Variants in MKLN1 observed in about 807,000 individuals in gnomAD.
MKLN1 encodes the protein muskelin.
In MKLN1, 18 loss-of-function variants were observed where a neutral mutation model predicts 99.0. The observed-to-expected ratio is 0.18, with a 90% CI of 0.13 to 0.27. The LOEUF is 0.27. Among genes scored for constraint, MKLN1 ranks in the 10% least tolerant of loss-of-function variants. MKLN1 has a pLI of 1.00. For synonymous variants in MKLN1, 288 were observed against 293.2 expected, an observed-to-expected ratio of 0.98 and a Z score of 0.18; for missense variants, 621 against 875.9, an observed-to-expected ratio of 0.71 and a Z score of 3.67.
At chr7:131,480,159 G>A (rs868580898) in intron 17 of MKLN1, among the ~76,000 whole-genome samples, 6 of 151,156 alleles carry the variant, frequency 4.0e-5, no homozygotes, top group Middle Eastern at 3.4e-3. Flanking sequence ...CAAGATAATC[G>A]TCTTGAAGTA....
chr7:131,234,862 TC>T (rs1277144432), intron 3 of MKLN1, among the ~76,000 whole-genome samples: 4 of 152,214 alleles, frequency 2.6e-5, no homozygotes, highest in Non-Finnish European at 5.9e-5. Context: ...CTTGTCTTTA[TC>T]TGTCTAAATA....
At chr7:131,407,862 TTAACTCC>T (rs1794754774) in intron 6 of MKLN1, among the ~76,000 whole-genome samples, 1 of 152,096 alleles carries the variant, frequency 6.6e-6, no homozygotes. Flanking sequence ...CTTCCTCCTC[TTAACTCC>T]TATTTGCCTT....
intron 3 of MKLN1, among the ~76,000 whole-genome samples, chr7:131,274,182 G>T (rs1248797597): frequency 6.6e-6 from 1 of 152,134 alleles, no homozygotes; most frequent in Admixed American, 6.5e-5. Flanking sequence ...GGGGACGGGG[G>T]AGGTCGTTTG....
At chr7:131,328,236 C>T (rs1291008965) in intron 1 of MKLN1, 14 of 514,994 alleles carry the variant, frequency 2.7e-5, no homozygotes, top group Admixed American at 6.6e-5. Context: ...GGATCCGGGG[C>T]GCGCACAGGA....
chr7:131,357,013 T>TAGAG (rs1799905166), intron 1 of MKLN1, among the ~76,000 whole-genome samples: 1 of 152,176 alleles, frequency 6.6e-6, no homozygotes, highest in Non-Finnish European at 1.5e-5. Context: ...ACCAAGTGAG[T>TAGAG]GACTTGAGAA....
intron 2 of MKLN1, among the ~76,000 whole-genome samples, chr7:131,150,461 T>C (rs1795872699): frequency 6.6e-6 from 1 of 152,014 alleles, no homozygotes; most frequent in South Asian, 2.1e-4. Flanking sequence ...CACTCCAGCT[T>C]GGGTGACAGA....
rs191300170 is a variant in MKLN1, at chr7:131,168,955, C to T, written c.-297+26014C>T. Among the ~76,000 whole-genome samples, 19 of 151,946 alleles carry T rather than the reference C, an allele frequency of 1.3e-4. No homozygotes were observed. The East Asian group carries it at 3.5e-3, about 28-fold the overall frequency. ...CAATCTTGGCTCACCGCAACCTCCACCTCCTGGGTTCAAGCAATTCGTGTG... is the reference window on the plus strand; with the variant it reads ...CAATCTTGGCTCACCGCAACCTCCATCTCCTGGGTTCAAGCAATTCGTGTG... On this transcript the variant is annotated intron_variant, in intron 2 of 7. Coordinates refer to the MKLN1 transcript ENST00000416992.
intron 3 of MKLN1, among the ~76,000 whole-genome samples, chr7:131,205,177 T>C (rs1424011265): frequency 6.6e-6 from 1 of 152,092 alleles, no homozygotes; most frequent in Non-Finnish European, 1.5e-5. Flanking sequence ...TAGACCTTTA[T>C]GATGAGGCTT....
intron 1 of MKLN1, among the ~76,000 whole-genome samples, chr7:131,367,581 TCTAGTG>T (rs1800217444): frequency 6.6e-6 from 1 of 152,140 alleles, no homozygotes; most frequent in East Asian, 1.9e-4. Flanking sequence ...TCTTATTCCC[TCTAGTG>T]CATGGTCTCT....
intron 2 of MKLN1, among the ~76,000 whole-genome samples, chr7:131,179,767 G>C (rs1327759240): frequency 6.6e-6 from 1 of 151,966 alleles, no homozygotes; most frequent in African/African-American, 2.4e-5. Flanking sequence ...GTAGAGAAGG[G>C]GTTTCACCGT....
chr7:131,464,470 T>C (rs947772477), intron 14 of MKLN1, 62 bp downstream of exon 14: 4 of 914,998 alleles, frequency 4.4e-6, no homozygotes, highest in Non-Finnish European at 6.9e-6. Flanking sequence ...AATCCCCAAA[T>C]ATATCTTTGA....
chr7:131,242,853 G>T (rs1797426232), intron 3 of MKLN1: 3 of 663,308 alleles, frequency 4.5e-6, no homozygotes, highest in Non-Finnish European at 5.7e-6. Flanking sequence ...GTACTCTGTG[G>T]ATATCCCCTT....
intron 2 of MKLN1, among the ~76,000 whole-genome samples, chr7:131,168,690 T>C (rs1796171665): frequency 7.9e-6 from 1 of 126,394 alleles, no homozygotes; most frequent in Non-Finnish European, 1.7e-5. Flanking sequence ...GTTAAGCCTT[T>C]ATGTATATTT....
intron 1 of MKLN1, among the ~76,000 whole-genome samples, chr7:131,364,399 A>C (rs539032274): frequency 6.6e-6 from 1 of 152,134 alleles, no homozygotes; most frequent in Non-Finnish European, 1.5e-5. Flanking sequence ...CCAAGTTTTT[A>C]CCAAACTGAT....
chr7:131,259,184 C>T (rs1027851868), intron 3 of MKLN1, among the ~76,000 whole-genome samples: 34 of 152,134 alleles, frequency 2.2e-4, no homozygotes, highest in African/African-American at 8.0e-4. Flanking sequence ...CTGTGAACCC[C>T]TCTTCTTACC....
chr7:131,332,588 T>G (rs1240282932), intron 1 of MKLN1, among the ~76,000 whole-genome samples: 1 of 151,644 alleles, frequency 6.6e-6, no homozygotes, highest in East Asian at 1.9e-4. Context: ...TATCACTACC[T>G]AAAGATTACT....
intron 3 of MKLN1, among the ~76,000 whole-genome samples, chr7:131,211,010 A>G (rs1213148780): frequency 6.6e-6 from 1 of 151,768 alleles, no homozygotes; most frequent in African/African-American, 2.4e-5. Context: ...GTCCTGGACT[A>G]GAGTATACAT....
In MKLN1 at chr7:131,139,047, AC is replaced by A. The variant is rs1164578217; in HGVS notation, c.-418-3771del. Among the ~76,000 whole-genome samples, 11 of 152,192 alleles carry A rather than the reference AC, an allele frequency of 7.2e-5. No individual in the cohort carries two copies. In the East Asian group the frequency reaches 2.1e-3, roughly 29 times the overall value. ...ATTCCTGCAGTGTTTCAGGTTAGTT[AC>A]CACTAAGGCCTATGTGCACCTCATT... is the stretch of plus-strand genomic sequence containing the variant. On this transcript the variant is annotated intron_variant, in intron 1 of 7. Transcript: ENST00000416992.
intron 3 of MKLN1, among the ~76,000 whole-genome samples, chr7:131,302,668 G>C (rs1248355174): frequency 1.3e-5 from 2 of 152,178 alleles, no homozygotes; most frequent in Non-Finnish European, 2.9e-5. Context: ...TATGCAGCTG[G>C]CAGTGTTTGC....
Sources: gnomAD v4.1 joint callset for allele counts (sites outside exome capture counted in the v4.1 genomes callset) on GRCh38, gnomAD v4.1.1 for gene constraint, MANE v1.5 for transcripts, NCBI Gene and HGNC (gene_info 2026-07-23, HGNC 2026-07-21) for gene names.